Variants in TRAK1 observed in about 807,000 individuals in gnomAD.
TRAK1 encodes trafficking kinesin-binding protein 1.
In TRAK1, 33 loss-of-function variants were observed where a neutral mutation model predicts 92.1. That is an observed-to-expected ratio of 0.36 (90% confidence interval 0.27 to 0.48). The LOEUF is 0.48. TRAK1 is among the 20% of genes least tolerant of loss of function. TRAK1 has a pLI of 0.99. For synonymous variants in TRAK1, 521 were observed against 517.3 expected (o/e 1.01, Z -0.10); for missense variants, 1,123 against 1,257.9 (o/e 0.89, Z 1.62).
intron 1 of TRAK1, among the ~76,000 whole-genome samples, chr3:42,038,521 C>T (rs553777622): frequency 2.0e-5 from 3 of 152,220 alleles, no homozygotes; most frequent in African/African-American, 4.8e-5. Flanking sequence ...CACAGTGGCT[C>T]GCGCCTGTAA....
intron 1 of TRAK1, among the ~76,000 whole-genome samples, chr3:42,055,148 G>T (rs566758679): frequency 3.7e-4 from 56 of 151,922 alleles, no homozygotes; most frequent in Non-Finnish European, 7.4e-4. Flanking sequence ...TCAAACTCCT[G>T]ACCTCAAGTG....
chr3:42,060,237 A>G (rs1473661853), intron 1 of TRAK1, among the ~76,000 whole-genome samples: 1 of 151,922 alleles, frequency 6.6e-6, no homozygotes, highest in Non-Finnish European at 1.5e-5. Flanking sequence ...TATCAGAAGG[A>G]ATAGCTTCTA....
chr3:42,134,211 CT>C (rs1444304129), intron 2 of TRAK1, among the ~76,000 whole-genome samples: 4 of 66,510 alleles, frequency 6.0e-5, no homozygotes, highest in East Asian at 4.7e-4. Flanking sequence ...CCCTTCCCCC[CT>C]CCCCTCCTCT....
intron 1 of TRAK1, among the ~76,000 whole-genome samples, chr3:42,059,920 G>C (rs1479652961): frequency 6.6e-6 from 1 of 150,848 alleles, no homozygotes; most frequent in Non-Finnish European, 1.5e-5. Context: ...ACTTAGTGTG[G>C]ACAATGATAC....
chr3:42,087,849 C>T (rs1704758433), upstream of TRAK1, among the ~76,000 whole-genome samples: 2 of 152,216 alleles, frequency 1.3e-5, no homozygotes, highest in South Asian at 4.1e-4. Context: ...CCTTTGTACA[C>T]CATCAGGATT....
chr3:42,171,173 G>A (rs866409309), intron 2 of TRAK1, among the ~76,000 whole-genome samples: 3 of 151,966 alleles, frequency 2.0e-5, no homozygotes, highest in Non-Finnish European at 2.9e-5. Flanking sequence ...TCTTCTTGAG[G>A]GTTTGGGAGG....
At chr3:42,025,744 T>G (rs950884077) in intron 1 of TRAK1, among the ~76,000 whole-genome samples, 1 of 152,114 alleles carries the variant, frequency 6.6e-6, no homozygotes, top group Non-Finnish European at 1.5e-5. Flanking sequence ...GAGAATCTGC[T>G]GGAGAAGGAG....
At chr3:42,052,804 G>A (rs1703034996) in intron 1 of TRAK1, among the ~76,000 whole-genome samples, 1 of 152,108 alleles carries the variant, frequency 6.6e-6, no homozygotes, top group Non-Finnish European at 1.5e-5. Context: ...AAAGAGTCCC[G>A]TGACACCACA....
At chr3:42,041,681 A>G (rs1014518820) in intron 1 of TRAK1, among the ~76,000 whole-genome samples, 5 of 151,576 alleles carry the variant, frequency 3.3e-5, no homozygotes, top group Admixed American at 3.3e-4. Flanking sequence ...CCTCCTGATC[A>G]TAGGGGCAAA....
intron 2 of TRAK1, among the ~76,000 whole-genome samples, chr3:42,129,733 T>C (rs912297318): frequency 1.3e-5 from 2 of 152,184 alleles, no homozygotes; most frequent in African/African-American, 4.8e-5. Context: ...TTTAATACTC[T>C]TGCATTCTGC....
At chr3:42,116,705 A>G (rs1709209103) in intron 1 of TRAK1, among the ~76,000 whole-genome samples, 1 of 152,182 alleles carries the variant, frequency 6.6e-6, no homozygotes, top group Non-Finnish European at 1.5e-5. Context: ...GCCTCTAGCC[A>G]GAGCGCCTGC....
intron 1 of TRAK1, among the ~76,000 whole-genome samples, chr3:42,025,292 A>ACGCTGG (rs1458811305): frequency 3.9e-5 from 6 of 152,212 alleles, no homozygotes; most frequent in Non-Finnish European, 8.8e-5. Flanking sequence ...ACGCTGGGGC[A>ACGCTGG]CGCTGGCCTT....
intron 1 of TRAK1, among the ~76,000 whole-genome samples, chr3:42,048,281 C>G (rs1576176580): frequency 1.3e-5 from 2 of 152,280 alleles, no homozygotes; most frequent in South Asian, 4.1e-4. Context: ...TTTGTGCATA[C>G]TCACAGTGCA....
intron 13 of TRAK1, chr3:42,203,550 T>A: frequency 1.0e-6 from 1 of 983,912 alleles, no homozygotes; most frequent in Non-Finnish European, 1.2e-6. Flanking sequence ...TCCCTCTACC[T>A]GCTGCTACTC....
intron 2 of TRAK1, among the ~76,000 whole-genome samples, chr3:42,171,822 G>GT (rs1702595482): frequency 6.6e-6 from 1 of 152,122 alleles, no homozygotes; most frequent in Non-Finnish European, 1.5e-5. Context: ...TATGTTTGGG[G>GT]TTTTTTGGCT....
At chr3:42,056,781 CT>C (rs1298207503) in intron 1 of TRAK1, among the ~76,000 whole-genome samples, 1 of 152,100 alleles carries the variant, frequency 6.6e-6, no homozygotes, top group Non-Finnish European at 1.5e-5. Flanking sequence ...ATATTGAGTG[CT>C]TGTATATTTT....
intron 1 of TRAK1, among the ~76,000 whole-genome samples, chr3:42,023,122 C>T (rs1701783162): frequency 1.4e-5 from 2 of 146,180 alleles, no homozygotes; most frequent in Non-Finnish European, 3.0e-5. Context: ...TGCGCCACTA[C>T]ACTCCAGCCT....
At chr3:42,016,341 A>G (rs1701526727) in intron 1 of TRAK1, among the ~76,000 whole-genome samples, 1 of 152,090 alleles carries the variant, frequency 6.6e-6, no homozygotes, top group African/African-American at 2.4e-5. Flanking sequence ...AGTAGCTGGG[A>G]TTGCAGGCAC....
In TRAK1 at chr3:42,143,230, T is replaced by TA. The variant is rs59740387; in HGVS notation, c.286+17628dup. On this transcript the variant is annotated intron_variant, in intron 2 of 15. Transcript: ENST00000327628. ...TTTCCTGATCATTTATTTTGTTCTTTAAAAAAAAAAAACTTCTCAATTTGT... is the reference window on the plus strand; with the variant it reads ...TTTCCTGATCATTTATTTTGTTCTTTAAAAAAAAAAAAACTTCTCAATTTGT... Among the ~76,000 whole-genome samples, 867 of 145,458 alleles carry TA rather than the reference T, an allele frequency of 6.0e-3. 5 individuals are homozygous for TA. Among genetic ancestry groups the TA allele is most frequent in the African/African-American group, 0.017 (663 of 40,052 alleles).
Sources: gnomAD v4.1 joint callset for allele counts (sites outside exome capture counted in the v4.1 genomes callset) on GRCh38, gnomAD v4.1.1 for gene constraint, MANE v1.5 for transcripts, NCBI Gene and HGNC (gene_info 2026-07-23, HGNC 2026-07-21) for gene names.